ATP8A2: variants seen among roughly 807,000 people sequenced by gnomAD.
The protein encoded by ATP8A2 is phospholipid-transporting ATPase IB.
A neutral mutation model predicts 165.6 loss-of-function variants in ATP8A2; 100 were observed. The ratio of observed to expected loss-of-function variants is 0.60; its 90% CI spans 0.51 to 0.71. The LOEUF (loss-of-function observed/expected upper bound fraction) is 0.71, where lower values mean the gene tolerates loss of function less well. Among genes scored for constraint, ATP8A2 ranks in the 30% least tolerant of loss-of-function variants. The probability of loss-of-function intolerance (pLI) is 0.00; values close to 1 mark genes in which losing one functional copy is unlikely to be tolerated. For synonymous variants in ATP8A2, 543 were observed against 548.8 expected (o/e 0.99, Z 0.15); for missense variants, 1,227 against 1,479.5 (o/e 0.83, Z 2.80).
At chr13:25,858,539 C>T (rs1952238139) in intron 30 of ATP8A2, among the ~76,000 whole-genome samples, 1 of 152,144 alleles carries the variant, frequency 6.6e-6, no homozygotes, top group Non-Finnish European at 1.5e-5. Context: ...ACTGTGTGTG[C>T]CCAGGGGCTG....
intron 36 of ATP8A2, among the ~76,000 whole-genome samples, chr13:26,013,461 G>C (rs1956892046): frequency 6.6e-6 from 1 of 152,196 alleles, no homozygotes; most frequent in South Asian, 2.1e-4. Flanking sequence ...GATCACTTGA[G>C]GTCAGGGGTT....
chr13:25,578,703 C>G, intron 20 of ATP8A2, 112 bp from the exon 21 acceptor site: 2 of 725,376 alleles, frequency 2.8e-6, no homozygotes, highest in South Asian at 3.0e-5. Context: ...CCTACTTACC[C>G]ACTCGGGTAT....
chr13:25,698,036 C>A (rs892315293), intron 24 of ATP8A2, among the ~76,000 whole-genome samples: 3 of 152,176 alleles, frequency 2.0e-5, no homozygotes, highest in South Asian at 2.1e-4. Context: ...TGCAATTTAC[C>A]TTATCATATA....
intron 35 of ATP8A2, among the ~76,000 whole-genome samples, chr13:25,983,411 T>G (rs1401847108): frequency 6.6e-6 from 1 of 152,224 alleles, no homozygotes; most frequent in African/African-American, 2.4e-5. Flanking sequence ...CCTGGTTTTG[T>G]CTTCTACAAA....
intron 6 of ATP8A2, among the ~76,000 whole-genome samples, chr13:25,536,081 G>A (rs1172180889): frequency 6.6e-6 from 1 of 151,934 alleles, no homozygotes; most frequent in Non-Finnish European, 1.5e-5. Flanking sequence ...ATTTTTATAT[G>A]TAATTAAACT....
chr13:25,471,654 A>C (rs1246167875), intron 2 of ATP8A2, among the ~76,000 whole-genome samples: 1 of 152,184 alleles, frequency 6.6e-6, no homozygotes, highest in Non-Finnish European at 1.5e-5. Flanking sequence ...GAAGGTAAAG[A>C]TTTTTAAGAG....
At chr13:25,451,341 A>C (rs2035219520) in intron 1 of ATP8A2, among the ~76,000 whole-genome samples, 3 of 152,148 alleles carry the variant, frequency 2.0e-5, no homozygotes, top group African/African-American at 4.8e-5. Context: ...TTTGGCTCAG[A>C]AATCATTTTC....
intron 24 of ATP8A2, among the ~76,000 whole-genome samples, chr13:25,628,685 C>T (rs766148233): frequency 2.6e-5 from 4 of 151,956 alleles, no homozygotes; most frequent in Non-Finnish European, 4.4e-5. Context: ...CCAGGCTTCT[C>T]CTCCAGCTTC....
chr13:25,573,933 T>G (rs2039542242), intron 18 of ATP8A2, among the ~76,000 whole-genome samples: 1 of 152,210 alleles, frequency 6.6e-6, no homozygotes, highest in African/African-American at 2.4e-5. Context: ...CTTGGTAATT[T>G]GAATGTGTTA....
intron 27 of ATP8A2, among the ~76,000 whole-genome samples, chr13:25,802,834 T>G (rs1313493132): frequency 1.3e-4 from 20 of 152,120 alleles, no homozygotes; most frequent in Admixed American, 1.3e-3. Context: ...TCACTAGAGG[T>G]GCAAGTTACT....
At chr13:25,839,505 T>G (rs368202146) in intron 29 of ATP8A2, 41 bp from the exon 30 acceptor site, 1 of 1,494,028 alleles carries the variant, frequency 6.7e-7, no homozygotes, top group East Asian at 2.3e-5. Context: ...AGGTCAAGCG[T>G]TTTGGGCAGC....
At chr13:25,984,601 AAAAAAAAAACAAAC>A (rs1216385942) in intron 35 of ATP8A2, among the ~76,000 whole-genome samples, 1 of 151,742 alleles carries the variant, frequency 6.6e-6, no homozygotes, top group African/African-American at 2.4e-5. Flanking sequence ...TTGTCTCAAA[AAAAAAAAAACAAAC>A]AAAAACAACA....
chr13:25,941,810 T>C lies in ATP8A2; in HGVS notation c.3184-19765T>C, dbSNP rs147480179. On this transcript the variant is annotated intron_variant, in intron 33 of 36. Transcript: ENST00000381655. ...CACCAAGAGACAAAAGTCCAGGAAT[T>C]AAATAAGTGGCCTATTCAAATATTA... Among the ~76,000 whole-genome samples the C allele has an allele frequency of 1.6e-3, 241 of 152,322 alleles. 2 individuals carry two copies. In the East Asian group the frequency reaches 0.027, roughly 17 times the overall value.
At chr13:25,695,827 G>T (rs992185312) in intron 24 of ATP8A2, among the ~76,000 whole-genome samples, 2 of 152,032 alleles carry the variant, frequency 1.3e-5, no homozygotes, top group Non-Finnish European at 2.9e-5. Flanking sequence ...ATGCATGAGG[G>T]TTGAAATCAA....
intron 2 of ATP8A2, among the ~76,000 whole-genome samples, chr13:25,474,288 G>T (rs1184829315): frequency 2.0e-5 from 3 of 152,178 alleles, no homozygotes; most frequent in Non-Finnish European, 4.4e-5. Flanking sequence ...AGGGCCAGGC[G>T]CAGTGGCTCG....
rs1359226800 is a variant in ATP8A2 at position 26,020,903 on chromosome 13, C to T, written c.*918C>T. 6.6e-6 allele frequency: 1 copy of T among 152,274 alleles called. No individual in the cohort carries two copies. The highest frequency in any genetic ancestry group is 1.5e-5 in the Non-Finnish European group (1 of 68,068). The allele number at this position is 152,274 out of a possible 1,614,324, so 9.4% of individuals were successfully genotyped here. On this transcript the variant is annotated 3_prime_UTR_variant, in exon 37 of 37. Coordinates refer to ENST00000381655, the MANE Select transcript of ATP8A2 (RefSeq NM_016529.6). ...CTCTGTCTGACATGGGGCCACCCCA[C>T]AGGTCAGAGTGGTGGTAGAACCCCT...
At chr13:25,959,068 A>T (rs528150489) in intron 33 of ATP8A2, among the ~76,000 whole-genome samples, 1 of 152,336 alleles carries the variant, frequency 6.6e-6, no homozygotes, top group African/African-American at 2.4e-5. Flanking sequence ...TCCATCTTCC[A>T]GGGGCCAAGC....
chr13:25,861,614 G>T (rs1952355599), intron 32 of ATP8A2, among the ~76,000 whole-genome samples: 1 of 152,186 alleles, frequency 6.6e-6, no homozygotes, highest in East Asian at 1.9e-4. Context: ...CAATTAATCC[G>T]GGTCAGAGGT....
intron 13 of ATP8A2, among the ~76,000 whole-genome samples, chr13:25,556,389 G>A (rs1169274727): frequency 6.6e-6 from 1 of 152,056 alleles, no homozygotes; most frequent in East Asian, 1.9e-4. Context: ...TGTTTCATAT[G>A]TTTTTTGGCC....
Sources: allele counts gnomAD v4.1 joint callset (sites outside exome capture counted in the v4.1 genomes callset), GRCh38; gene constraint gnomAD v4.1.1; transcripts MANE v1.5; gene names NCBI Gene and HGNC (gene_info 2026-07-23, HGNC 2026-07-21).